The following ITGA2 variants were observed in gnomAD, a reference collection of about 807,000 sequenced individuals.
ITGA2 encodes the protein integrin subunit alpha 2.
ITGA2 carries 101 observed loss-of-function variants against 146.3 expected under a neutral mutation model. The ratio of observed to expected loss-of-function variants is 0.69; its 90% CI spans 0.59 to 0.81. The LOEUF is 0.81. Among genes scored for constraint, ITGA2 ranks in the 40% least tolerant of loss-of-function variants. The pLI, the probability that ITGA2 is intolerant of heterozygous loss-of-function variation, is 0.00. For synonymous variants in ITGA2, 477 were observed against 487.1 expected (o/e 0.98, Z 0.27); for missense variants, 1,281 against 1,402.7 (o/e 0.91, Z 1.39).
At position 53,059,957 on chromosome 5, in the gene ITGA2, T is replaced by C. The variant is rs969171829; in HGVS notation, c.1257T>C (p.Phe419=). The change falls in exon 11 of 30, where the codon TTT becomes TTC. Residue 419 remains phenylalanine, a synonymous_variant. Coordinates refer to ENST00000296585, the MANE Select transcript of ITGA2 (RefSeq NM_002203.4). ...VQKTSHGHLI[F]PKQAFDQILQ... The stretch of plus-strand genomic sequence containing the variant: ...AGACATCTCATGGCCATTTGATCTT[T>C]CCTAAACAAGCCTTTGACCAAATTC... 1.9e-6 allele frequency: 3 copies of C among 1,612,260 alleles called. No individual in the cohort carries two copies. The highest frequency in any genetic ancestry group is 2.5e-6 in the Non-Finnish European group (3 of 1,178,988).
chr5:53,079,105 A>G lies in ITGA2; in HGVS notation c.2928+231A>G, dbSNP rs1199181570. ...GTGGGCCTACACATTTGCATATCTA[A>G]CAAGCTCCCAGGTGATGCTTATGCT... On this transcript the variant is annotated intron_variant, in intron 24 of 29. Transcript: ENST00000296585. Among the ~76,000 whole-genome samples, 4 of 152,122 alleles carry G rather than the reference A, an allele frequency of 2.6e-5. No individual in the cohort carries two copies. The East Asian group carries it at 7.7e-4, about 29-fold the overall frequency.
rs1369711141 is a variant in ITGA2, at chr5:53,065,036, C to T, written c.1727C>T (p.Ser576Leu). The change falls in exon 14 of 30, where the codon TCA (serine) becomes TTA (leucine). Residue 576 changes from serine (S) to leucine (L), a missense_variant. Transcript: ENST00000296585. ...GGCTTTAATGATGTGATTGTTGGTT[C>T]ACCACTAGAAAATCAGAATTCTGGA... is the stretch of plus-strand genomic sequence containing the variant. Reference protein sequence around the residue: ...MDGFNDVIVGSPLENQNSGAV... With the variant: ...MDGFNDVIVGLPLENQNSGAV... 6.2e-7 allele frequency: 1 copy of T among 1,612,842 alleles called. No homozygotes were observed. Among genetic ancestry groups the T allele is most frequent in the Non-Finnish European group, 8.5e-7 (1 of 1,179,192 alleles).
Position 53,055,672 on chromosome 5 carries a change from T to G in ITGA2, c.914T>G (p.Leu305Arg). The G allele has an allele frequency of 6.2e-7, 1 of 1,613,274 alleles. No homozygotes were observed. Among genetic ancestry groups the G allele is most frequent in the Non-Finnish European group, 8.5e-7 (1 of 1,179,424 alleles). The change falls in exon 8 of 30, where the codon CTG (leucine) becomes CGG (arginine). Residue 305 changes from leucine (L) to arginine (R), a missense_variant. Physicochemically the swap from Leu to Arg is moderately radical, Grantham distance 102. This residue lies in a region of ITGA2 where 795 missense variants were observed against 841.7 expected (regional missense o/e 0.94). Coordinates refer to ENST00000296585, the MANE Select transcript of ITGA2 (RefSeq NM_002203.4). ...GATCAATGCAACCATGACAATATAC[T>G]GAGGTTTGGCATAGCAGTAAGTGGC... ...VIDQCNHDNILRFGIAVLGYL... is the reference protein window; with the variant it reads ...VIDQCNHDNIRRFGIAVLGYL...
At chr5:53,015,608 A>G (rs1199678484) in intron 1 of ITGA2, among the ~76,000 whole-genome samples, 1 of 152,062 alleles carries the variant, frequency 6.6e-6, no homozygotes, top group Non-Finnish European at 1.5e-5. Context: ...TATTAGGTCC[A>G]TTTGATCAAG....
chr5:53,051,538 T>A lies in ITGA2; in HGVS notation c.758T>A (p.Phe253Tyr), dbSNP rs751605454. Residue 253 changes from phenylalanine (F) to tyrosine (Y), a missense_variant, in exon 7 of 30, where the codon TTC (phenylalanine) becomes TAC (tyrosine). Transcript: ENST00000296585. ...SQYGGDLTNT[F>Y]GAIQYARKYA... Reference sequence around the variant, plus strand: ...TATGGTGGGGACCTCACAAACACATTCGGAGCAATTCAATATGCAAGGTAA... The same window carrying A: ...TATGGTGGGGACCTCACAAACACATACGGAGCAATTCAATATGCAAGGTAA... 2.5e-6 allele frequency: 4 copies of A among 1,613,588 alleles called. No individual in the cohort carries two copies. The South Asian group carries it at 4.4e-5, about 18-fold the overall frequency.
chr5:53,036,318 T>C (rs1284510022), intron 2 of ITGA2, among the ~76,000 whole-genome samples: 3 of 152,182 alleles, frequency 2.0e-5, no homozygotes, highest in Non-Finnish European at 4.4e-5. Context: ...CATCATGCTG[T>C]ACTCAAAACC....
chr5:53,022,342 G>A (rs180885282), intron 1 of ITGA2, among the ~76,000 whole-genome samples: 2 of 151,938 alleles, frequency 1.3e-5, no homozygotes, highest in Non-Finnish European at 2.9e-5. Flanking sequence ...GAGATTACAC[G>A]TGTGAGCTGC....
intron 7 of ITGA2, among the ~76,000 whole-genome samples, chr5:53,052,615 A>G (rs1236691563): frequency 6.6e-6 from 1 of 151,902 alleles, no homozygotes; most frequent in Non-Finnish European, 1.5e-5. Flanking sequence ...GCCACTAGAT[A>G]AGCATGACCC....
chr5:53,086,890 T>G (rs1746179783), intron 27 of ITGA2, 62 bp from the exon 28 acceptor site: 4 of 1,274,000 alleles, frequency 3.1e-6, no homozygotes, highest in Non-Finnish European at 4.6e-6. Context: ...ATCATAAGCA[T>G]GCCAGCTTCT....
At chr5:52,999,887 C>T (rs1741479981) in intron 1 of ITGA2, among the ~76,000 whole-genome samples, 2 of 152,150 alleles carry the variant, frequency 1.3e-5, no homozygotes, top group Admixed American at 1.3e-4. Flanking sequence ...GTAAGCACAA[C>T]TCAGATAAAA....
At chr5:53,059,777 T>C (rs1394025071) in intron 10 of ITGA2, 97 bp from the exon 11 acceptor site, 3 of 1,110,912 alleles carry the variant, frequency 2.7e-6, no homozygotes, top group Non-Finnish European at 2.7e-6. Flanking sequence ...TCATTTTTAA[T>C]AAATCTAAAC....
chr5:53,090,768 G>A lies in ITGA2; in HGVS notation c.*169G>A. 1.6e-6 allele frequency: 1 copy of A among 615,886 alleles called. No homozygotes were observed. The highest frequency in any genetic ancestry group is 3.0e-6 in the Non-Finnish European group (1 of 338,540). 38.2% of individuals were successfully genotyped at this position (615,886 alleles called of 1,614,324 possible). A position where few individuals can be genotyped will look rare whatever the true frequency, so the allele number is the denominator to read the frequency against. ...TCAGTTTGGAATGAAGAAATTGTGG[G>A]GGGTGGGGGAGGTGCGGGGGGCAGG... On this transcript the variant is annotated 3_prime_UTR_variant, in exon 30 of 30. Transcript: ENST00000296585.
Position 53,067,197 on chromosome 5 carries a change from A to T in ITGA2, c.2023A>T (p.Ile675Leu), listed in dbSNP as rs766733667. The T allele has an allele frequency of 1.1e-5, 17 of 1,611,794 alleles. No individual in the cohort carries two copies. The highest frequency in any genetic ancestry group is 1.4e-5 in the Non-Finnish European group (16 of 1,178,790). Residue 675 changes from isoleucine (I) to leucine (L), a missense_variant, in exon 16 of 30, where the codon ATA (isoleucine) becomes TTA (leucine). By Grantham distance (5) the Ile-to-Leu change is conservative. Coordinates refer to ENST00000296585, the MANE Select transcript of ITGA2 (RefSeq NM_002203.4). ...CACTTTGGTCAACAAGAATGCTCAG[A>T]TAATTCTCAAACTCTGCTTCAGTGC... ...KITLVNKNAQIILKLCFSAKF... is the reference protein window; with the variant it reads ...KITLVNKNAQLILKLCFSAKF...
chr5:53,028,605 C>T (rs1743066354), intron 2 of ITGA2, among the ~76,000 whole-genome samples: 1 of 152,226 alleles, frequency 6.6e-6, no homozygotes, highest in South Asian at 2.1e-4. Context: ...AAATATTCAG[C>T]CCTAATTTTT....
chr5:53,029,141 G>A (rs3212426), intron 2 of ITGA2, among the ~76,000 whole-genome samples: 1,901 of 152,158 alleles, frequency 0.012, 38 homozygotes, highest in African/African-American at 0.042. Flanking sequence ...GTGTGGTGGC[G>A]GGCGCCTGTA....
intron 8 of ITGA2, 138 bp from the exon 9 acceptor site, chr5:53,055,846 C>A: frequency 8.1e-7 from 1 of 1,235,642 alleles, no homozygotes; most frequent in Non-Finnish European, 1.2e-6. Context: ...TCAATCCTGT[C>A]TACTAAATAA....
chr5:53,059,806 G>T, intron 10 of ITGA2, 68 bp from the exon 11 acceptor site: 1 of 1,401,388 alleles, frequency 7.1e-7, no homozygotes, highest in Non-Finnish European at 1.0e-6. Context: ...TCAATGTTTT[G>T]CCTACCCTGC....
chr5:53,071,920 G>A lies in ITGA2; in HGVS notation c.2236-18G>A. ...TGACTCTGTCTCCCCCTGTATGTTT[G>A]TGTGTGTGTATGTTTAGGAGCCCTC... On this transcript the variant is annotated intron_variant, in intron 17 of 29. Transcript: ENST00000296585. 1 of 1,537,018 alleles carries A rather than the reference G, an allele frequency of 6.5e-7. No homozygotes were observed. The highest frequency in any genetic ancestry group is 9.0e-7 in the Non-Finnish European group (1 of 1,110,996).
Position 53,065,134 on chromosome 5 carries a change from T to A in ITGA2, c.1806+19T>A. The A allele has an allele frequency of 1.9e-6, 3 of 1,607,298 alleles. No individual in the cohort carries two copies. Among genetic ancestry groups the A allele is most frequent in the Non-Finnish European group, 2.6e-6 (3 of 1,174,456 alleles). ...TTCCCAGGTAATCCATGAGCTGTTA[T>A]GGTGATGTATGTATTTGTGGGTCTT... On this transcript the variant is annotated intron_variant, in intron 14 of 29. Coordinates refer to ENST00000296585, the MANE Select transcript of ITGA2 (RefSeq NM_002203.4).
Sources: allele counts gnomAD v4.1 joint callset (sites outside exome capture counted in the v4.1 genomes callset), GRCh38; gene constraint gnomAD v4.1.1; regional missense constraint gnomAD v4.1.1; transcripts MANE v1.5; gene names NCBI Gene and HGNC (gene_info 2026-07-23, HGNC 2026-07-21).